FBN2: variants seen among roughly 807,000 people sequenced by gnomAD.
FBN2 encodes fibrillin-2.
In FBN2, 105 loss-of-function variants were observed where a neutral mutation model predicts 355.6. The ratio of observed to expected loss-of-function variants is 0.30; its 90% CI spans 0.25 to 0.35. The LOEUF is 0.35. FBN2 is among the 10% of genes least tolerant of loss of function. The pLI, the probability that FBN2 is intolerant of heterozygous loss-of-function variation, is 1.00. For missense variants in FBN2, 3,280 were observed against 3,758.7 expected, an observed-to-expected ratio of 0.87 and a Z score of 3.33; for synonymous variants, 1,350 against 1,301.2, an observed-to-expected ratio of 1.04 and a Z score of -0.81.
chr5:128,493,977 T>A (rs1256581852), intron 5 of FBN2, among the ~76,000 whole-genome samples: 2 of 151,014 alleles, frequency 1.3e-5, no homozygotes, highest in East Asian at 1.9e-4. Flanking sequence ...AGGTTCAATG[T>A]AAGACATGTC....
intron 63 of FBN2, 77 bp downstream of exon 63, chr5:128,263,347 TC>T (rs1765025279): frequency 1.8e-6 from 2 of 1,090,476 alleles, no homozygotes; most frequent in African/African-American, 3.1e-5. Context: ...ACTGTACTCT[TC>T]CCTGCAGTGG....
chr5:128,410,587 T>G (rs1183021495), intron 7 of FBN2, among the ~76,000 whole-genome samples: 1 of 152,230 alleles, frequency 6.6e-6, no homozygotes, highest in African/African-American at 2.4e-5. Context: ...TGGCTTTTAT[T>G]TCTAGGCATT....
At chr5:128,332,583 G>C (rs543499941) in intron 32 of FBN2, among the ~76,000 whole-genome samples, 2 of 152,130 alleles carry the variant, frequency 1.3e-5, no homozygotes, top group East Asian at 3.9e-4. Context: ...TATTCCACTG[G>C]ATTTTAAATC....
chr5:128,310,521 T>C lies in FBN2; in HGVS notation c.5075-413A>G, dbSNP rs542674540. On this transcript the variant is annotated intron_variant, in intron 39 of 64. Coordinates refer to ENST00000262464, the MANE Select transcript of FBN2 (RefSeq NM_001999.4). ...ATGCCAACTTTAAAGTGAATGCAGG[T>C]TGGGAAAGCCTTTGTCTTTGTAGCT... 5.3e-5 allele frequency among the ~76,000 whole-genome samples: 8 copies of C among 151,756 alleles called. No homozygotes were observed. In the South Asian group the frequency reaches 1.5e-3, roughly 28 times the overall value.
chr5:128,533,397 C>T (rs897849273), intron 2 of FBN2, among the ~76,000 whole-genome samples: 7 of 152,132 alleles, frequency 4.6e-5, no homozygotes, highest in Non-Finnish European at 8.8e-5. Context: ...CAATGAGAAG[C>T]AAGAATGCTG....
intron 5 of FBN2, among the ~76,000 whole-genome samples, chr5:128,471,324 G>A (rs1754855301): frequency 6.6e-6 from 1 of 151,896 alleles, no homozygotes; most frequent in South Asian, 2.1e-4. Context: ...AACACAGCAA[G>A]CAAAGAAGGC....
At chr5:128,290,175 T>G (rs1749281271) in intron 50 of FBN2, among the ~76,000 whole-genome samples, 2 of 152,220 alleles carry the variant, frequency 1.3e-5, no homozygotes, top group African/African-American at 4.8e-5. Context: ...GTTTGCTCAT[T>G]TAAAGCTGAG....
Position 128,393,189 on chromosome 5 carries a change from C to A in FBN2, c.1411G>T (p.Val471Phe), listed in dbSNP as rs138046782. 1.8e-5 allele frequency: 29 copies of A among 1,614,194 alleles called. No homozygotes were observed. Among genetic ancestry groups the A allele is most frequent in the Non-Finnish European group, 2.5e-5 (29 of 1,180,028 alleles). Residue 471 changes from valine to phenylalanine, a missense_variant, in exon 10 of 65, where the codon GTT (valine) becomes TTT (phenylalanine). Physicochemically the swap from Val to Phe is conservative, Grantham distance 50. Coordinates refer to ENST00000262464, the MANE Select transcript of FBN2 (RefSeq NM_001999.4). The part of the protein sequence containing the change: ...IPGGNGFSPG[V>F]GGAGVGAGGQ... ...CCGGCCCCCACACCGGCTCCCCCAA[C>A]GCCAGGAGAAAAGCCATTGCCTCCA...
chr5:128,350,006 C>T lies in FBN2; in HGVS notation c.2813-1G>A. On this transcript the variant is annotated splice_acceptor_variant, in intron 21 of 64. Transcript: ENST00000262464. LOFTEE classifies it high-confidence loss of function. The stretch of plus-strand genomic sequence containing the variant: ...GCAAGCCCTCTTGGGCAAGCTGTAT[C>T]TGTAACAACAACAGGACAAATTTTA... The T allele has an allele frequency of 3.1e-6, 5 of 1,613,322 alleles. No homozygotes were observed. Among genetic ancestry groups the T allele is most frequent in the Non-Finnish European group, 4.2e-6 (5 of 1,179,250 alleles).
intron 25 of FBN2, among the ~76,000 whole-genome samples, chr5:128,343,861 T>C (rs1745869121): frequency 6.6e-6 from 1 of 152,192 alleles, no homozygotes. Context: ...ACAAACAGCA[T>C]TTTCATGATG....
chr5:128,481,465 G>A (rs1384657439), intron 5 of FBN2, among the ~76,000 whole-genome samples: 1 of 152,156 alleles, frequency 6.6e-6, no homozygotes, highest in East Asian at 1.9e-4. Context: ...AGGGATTATG[G>A]CACAGAGTAC....
At chr5:128,435,271 A>G (rs1753744219) in intron 7 of FBN2, among the ~76,000 whole-genome samples, 1 of 152,144 alleles carries the variant, frequency 6.6e-6, no homozygotes, top group Non-Finnish European at 1.5e-5. Context: ...TTCTCATCTC[A>G]TGATAGACTT....
At chr5:128,516,771 C>T (rs745820724) in intron 5 of FBN2, among the ~76,000 whole-genome samples, 1 of 151,930 alleles carries the variant, frequency 6.6e-6, no homozygotes, top group Non-Finnish European at 1.5e-5. Flanking sequence ...ACTCACCAAC[C>T]TCAACATAAG....
At position 128,395,028 on chromosome 5, in the gene FBN2, C is replaced by T. The variant is rs1240964408; in HGVS notation, c.1231+94G>A. 4 of 1,399,972 alleles carry T rather than the reference C, an allele frequency of 2.9e-6. No individual in the cohort carries two copies. The Admixed American group carries it at 6.8e-5, about 24-fold the overall frequency. 86.7% of individuals were successfully genotyped at this position (1,399,972 alleles called of 1,614,324 possible). ...TTTGAACTTCTGGACTCAAGCAATC[C>T]ACCTGCCTTGGTCTCCCAGAGAGCA... On this transcript the variant is annotated intron_variant, in intron 9 of 64. Transcript: ENST00000262464.
At chr5:128,396,076 G>T (rs1752642122) in intron 8 of FBN2, among the ~76,000 whole-genome samples, 1 of 152,192 alleles carries the variant, frequency 6.6e-6, no homozygotes, top group Admixed American at 6.5e-5. Flanking sequence ...TGATGAGGGT[G>T]GCAGCAGTGG....
chr5:128,405,975 C>G (rs1388325366), intron 8 of FBN2, among the ~76,000 whole-genome samples: 1 of 152,170 alleles, frequency 6.6e-6, no homozygotes, highest in Non-Finnish European at 1.5e-5. Flanking sequence ...CGACGTTTCT[C>G]CTAAAGAGTT....
At chr5:128,482,579 G>A (rs1462274566) in intron 5 of FBN2, among the ~76,000 whole-genome samples, 3 of 152,234 alleles carry the variant, frequency 2.0e-5, no homozygotes, top group Non-Finnish European at 2.9e-5. Flanking sequence ...GTGGGTAGGA[G>A]GTGGAGTTTA....
chr5:128,463,257 C>G (rs1754607590), intron 6 of FBN2, among the ~76,000 whole-genome samples: 1 of 151,986 alleles, frequency 6.6e-6, no homozygotes, highest in African/African-American at 2.4e-5. Context: ...ATAGAAGAAA[C>G]TGTTGCACTA....
At chr5:128,530,564 G>T in intron 3 of FBN2, 31 bp downstream of exon 3, 1 of 1,422,662 alleles carries the variant, frequency 7.0e-7, no homozygotes, top group Non-Finnish European at 9.9e-7. Context: ...TAAGAAAAAT[G>T]CAGTGAAAAG....
Sources: gnomAD v4.1 joint callset for allele counts (sites outside exome capture counted in the v4.1 genomes callset) on GRCh38, gnomAD v4.1.1 for gene constraint, MANE v1.5 for transcripts, NCBI Gene and HGNC (gene_info 2026-07-23, HGNC 2026-07-21) for gene names.